SULT1C2: variants seen among roughly 807,000 people sequenced by gnomAD.
SULT1C2 encodes sulfotransferase 1C2.
In SULT1C2, 27 loss-of-function variants were observed where a neutral mutation model predicts 36.0. That is an observed-to-expected ratio of 0.75 (90% confidence interval 0.55 to 1.03). The LOEUF (loss-of-function observed/expected upper bound fraction) is 1.03, where lower values mean the gene tolerates loss of function less well. Among genes scored for constraint, SULT1C2 ranks in the 50% least tolerant of loss-of-function variants. The pLI is 0.00. For synonymous variants in SULT1C2, 121 were observed against 116.0 expected, an observed-to-expected ratio of 1.04 and a Z score of -0.27; for missense variants, 395 against 359.2, an observed-to-expected ratio of 1.10 and a Z score of -0.80.
In SULT1C2 at chr2:108,305,192, G is replaced by A; in HGVS notation, c.523G>A (p.Asp175Asn). 1 of 1,614,166 alleles carries A rather than the reference G, an allele frequency of 6.2e-7. No homozygotes were observed. The highest frequency in any genetic ancestry group is 1.7e-5 in the Admixed American group (1 of 60,030). ...TTCAGTGGTTTGGGGTTCCTGGTTT[G>A]ACCACGTGAAAGGATGGTGGGAGAT... is the stretch of plus-strand genomic sequence containing the variant. Reference protein sequence around the residue: ...NGKVVWGSWFDHVKGWWEMKD... With the variant: ...NGKVVWGSWFNHVKGWWEMKD... The change falls in exon 6 of 8, where the codon GAC becomes AAC. Residue 175 changes from aspartate to asparagine, a missense_variant. Physicochemically the swap from Asp to Asn is conservative, Grantham distance 23. Coordinates refer to ENST00000251481, the MANE Select transcript of SULT1C2 (RefSeq NM_001056.4).
intron 7 of SULT1C2, among the ~76,000 whole-genome samples, chr2:108,307,620 G>C (rs1201123030): frequency 6.6e-6 from 1 of 152,152 alleles, no homozygotes; most frequent in Non-Finnish European, 1.5e-5. Context: ...AAGAGGTATT[G>C]GTGGGGAAAA....
intron 1 of SULT1C2, among the ~76,000 whole-genome samples, chr2:108,292,393 AACACACACACACACACACACACACAC>A (rs66462427): frequency 1.5e-5 from 2 of 133,376 alleles, no homozygotes; most frequent in African/African-American, 5.7e-5. Flanking sequence ...CAACAATGAC[AACACACACACACACACACACACACAC>A]ACACACACAC....
At chr2:108,292,952 G>A (rs528706051) in intron 1 of SULT1C2, among the ~76,000 whole-genome samples, 3 of 152,284 alleles carry the variant, frequency 2.0e-5, no homozygotes, top group South Asian at 2.1e-4. Flanking sequence ...GCCAAGGTGG[G>A]TGGATCACCT....
In SULT1C2 at chr2:108,288,945, C is replaced by T. The variant is rs1421580784; in HGVS notation, c.-147C>T. The T allele has an allele frequency of 6.6e-6, 1 of 152,604 alleles. No homozygotes were observed. The highest frequency in any genetic ancestry group is 2.4e-5 in the African/African-American group (1 of 41,416). 9.5% of individuals were successfully genotyped at this position (152,604 alleles called of 1,614,324 possible). On this transcript the variant is annotated 5_prime_UTR_variant, in exon 1 of 8. Coordinates refer to ENST00000251481, the MANE Select transcript of SULT1C2 (RefSeq NM_001056.4). ...GTGCTGGCTACCTGCTGAGCGCCCC[C>T]GTAACTCTGACACAGTAGTAATTTG... is the stretch of plus-strand genomic sequence containing the variant.
At chr2:108,298,687 T>C (rs754668531) in intron 3 of SULT1C2, 69 of 377,632 alleles carry the variant, frequency 1.8e-4, no homozygotes, top group Admixed American at 3.6e-5. Flanking sequence ...TGGTCTTCTT[T>C]GCATATTTTA....
intron 1 of SULT1C2, 142 bp downstream of exon 1, chr2:108,289,212 T>C (rs185438303): frequency 3.3e-5 from 5 of 152,072 alleles, no homozygotes; most frequent in Admixed American, 1.3e-4. Context: ...TATAAAAGAG[T>C]TTTGTTAACA....
chr2:108,300,621 G>A (rs1359896894), intron 3 of SULT1C2: 7 of 684,762 alleles, frequency 1.0e-5, no homozygotes, highest in Non-Finnish European at 1.5e-5. Flanking sequence ...TAAAGTGACA[G>A]AGTAAATTAA....
rs1249514124 is a variant in SULT1C2, at chr2:108,309,505, A to G, written c.*1041A>G. ...TTTTGAACTTTGACCCTTTTCTTTT[A>G]GTCCCAAATAGTGGCATTCCATAGC... On this transcript the variant is annotated 3_prime_UTR_variant, in exon 8 of 8. Transcript: ENST00000251481. The G allele has an allele frequency of 6.6e-6, 1 of 152,204 alleles. No individual in the cohort carries two copies. The highest frequency in any genetic ancestry group is 2.1e-4 in the South Asian group (1 of 4,832). The allele number at this position is 152,204 out of a possible 1,614,324, so 9.4% of individuals were successfully genotyped here.
intron 3 of SULT1C2, among the ~76,000 whole-genome samples, chr2:108,297,026 G>C (rs1007587948): frequency 6.6e-6 from 1 of 152,188 alleles, no homozygotes; most frequent in African/African-American, 2.4e-5. Context: ...CAGAGAATTG[G>C]TTTGGAAAGA....
chr2:108,298,552 A>AT (rs4149429), intron 3 of SULT1C2: 12,564 of 227,490 alleles, frequency 0.055, 59 homozygotes, highest in South Asian at 0.083. Context: ...TAATTTTGGT[A>AT]TTTTTTTTTT....
At chr2:108,294,917 A>T (rs767881857) in intron 3 of SULT1C2, among the ~76,000 whole-genome samples, 3 of 152,212 alleles carry the variant, frequency 2.0e-5, no homozygotes, top group Non-Finnish European at 2.9e-5. Context: ...TATAACCAGA[A>T]TGCTATATTT....
At chr2:108,293,093 C>T (rs548349180) in intron 1 of SULT1C2, among the ~76,000 whole-genome samples, 3 of 145,574 alleles carry the variant, frequency 2.1e-5, no homozygotes, top group South Asian at 2.2e-4. Flanking sequence ...GCATGAGAAT[C>T]GCTTGAACCC....
rs780285331 is a variant in SULT1C2, at chr2:108,305,224, C to T, written c.555C>T (p.Asp185=). ...DHVKGWWEMK[D]RHQILFLFYE... is the part of the protein sequence containing the mutation. ...TGAAAGGATGGTGGGAGATGAAAGA[C>T]AGACACCAGATTCTCTTCCTCTTCT... is the stretch of plus-strand genomic sequence containing the variant. The change falls in exon 6 of 8, where the codon GAC becomes GAT. Residue 185 remains aspartate, a synonymous_variant. Transcript: ENST00000251481. 1 of 1,614,152 alleles carries T rather than the reference C, an allele frequency of 6.2e-7. No homozygotes were observed. Among genetic ancestry groups the T allele is most frequent in the Non-Finnish European group, 8.5e-7 (1 of 1,180,032 alleles).
At chr2:108,290,403 T>C (rs991582890) in intron 1 of SULT1C2, among the ~76,000 whole-genome samples, 1 of 152,244 alleles carries the variant, frequency 6.6e-6, no homozygotes, top group Non-Finnish European at 1.5e-5. Flanking sequence ...CACATGCTAA[T>C]ATACTATGAA....
intron 3 of SULT1C2, among the ~76,000 whole-genome samples, chr2:108,294,795 C>G (rs184588856): frequency 1.3e-5 from 2 of 152,282 alleles, no homozygotes; most frequent in East Asian, 3.9e-4. Flanking sequence ...CACACACACA[C>G]ACCCCATTGC....
chr2:108,302,179 G>A (rs1277949835), intron 4 of SULT1C2: 1 of 152,130 alleles, frequency 6.6e-6, no homozygotes, highest in Non-Finnish European at 1.5e-5. Context: ...ACTCTCCAGG[G>A]GAAATCTGAT....
rs138809204 is a variant in SULT1C2 at position 108,293,678 on chromosome 2, C to T, written c.11C>T (p.Thr4Ile). 1.2e-6 allele frequency: 2 copies of T among 1,613,722 alleles called. No homozygotes were observed. The highest frequency in any genetic ancestry group is 2.7e-5 in the African/African-American group (2 of 74,920). ...CAACCCTGAGACACTATGGCCCTGA[C>T]CTCAGACCTGGGGAAACAGATAAAA... is the stretch of plus-strand genomic sequence containing the variant. MAL[T>I]SDLGKQIKLK... The change falls in exon 2 of 8, where the codon ACC becomes ATC. Residue 4 changes from threonine (T) to isoleucine (I), a missense_variant. Thr to Ile is a moderately conservative substitution (Grantham distance 89, BLOSUM62 -1). Coordinates refer to ENST00000251481, the MANE Select transcript of SULT1C2 (RefSeq NM_001056.4).
chr2:108,294,872 T>A (rs1411735376), intron 3 of SULT1C2, among the ~76,000 whole-genome samples: 4 of 152,194 alleles, frequency 2.6e-5, no homozygotes, highest in African/African-American at 4.8e-5. Flanking sequence ...TAGAAGTGTT[T>A]CTCTTCACAT....
In SULT1C2 at chr2:108,308,565, T is replaced by A. The variant is rs567309232; in HGVS notation, c.*101T>A. The A allele has an allele frequency of 2.0e-4, 182 of 911,090 alleles. No homozygotes were observed. The highest frequency in any genetic ancestry group is 2.8e-4 in the Non-Finnish European group (173 of 608,100). The allele number at this position is 911,090 out of a possible 1,614,324, so 56.4% of individuals were successfully genotyped here. A position where few individuals can be genotyped will look rare whatever the true frequency, so the allele number is the denominator to read the frequency against. On this transcript the variant is annotated 3_prime_UTR_variant, in exon 8 of 8. Transcript: ENST00000251481. ...AGAATCTCTGAAAGCATATTGTGAATGTATACAATGTAGTACAAACAATCT... is the reference window on the plus strand; with the variant it reads ...AGAATCTCTGAAAGCATATTGTGAAAGTATACAATGTAGTACAAACAATCT...
Sources: gnomAD v4.1 joint callset for allele counts (sites outside exome capture counted in the v4.1 genomes callset) on GRCh38, gnomAD v4.1.1 for gene constraint, MANE v1.5 for transcripts, NCBI Gene and HGNC (gene_info 2026-07-23, HGNC 2026-07-21) for gene names.